CDH18: variants seen among roughly 807,000 people sequenced by gnomAD.
The protein encoded by CDH18 is cadherin-18.
In CDH18, 31 loss-of-function variants were observed where a neutral mutation model predicts 67.9. The ratio of observed to expected loss-of-function variants is 0.46; its 90% CI spans 0.34 to 0.62. CDH18 has a LOEUF of 0.62. Among genes scored for constraint, CDH18 ranks in the 20% least tolerant of loss-of-function variants. The probability of loss-of-function intolerance (pLI) is 0.01; values close to 1 mark genes in which losing one functional copy is unlikely to be tolerated. For missense variants in CDH18, 890 were observed against 975.5 expected, an observed-to-expected ratio of 0.91 and a Z score of 1.17; for synonymous variants, 362 against 347.2, an observed-to-expected ratio of 1.04 and a Z score of -0.48.
chr5:20,253,046 T>C (rs1743980657), intron 2 of CDH18, among the ~76,000 whole-genome samples: 1 of 152,172 alleles, frequency 6.6e-6, no homozygotes, highest in African/African-American at 2.4e-5. Context: ...ATAAGATGGC[T>C]GATTACATGC....
At chr5:20,034,125 G>A (rs1442549518) in intron 2 of CDH18, among the ~76,000 whole-genome samples, 3 of 151,992 alleles carry the variant, frequency 2.0e-5, no homozygotes, top group East Asian at 1.9e-4. Flanking sequence ...TGTGTGGGGG[G>A]AAAAGAATTG....
chr5:20,394,174 T>C (rs1199402587), intron 1 of CDH18, among the ~76,000 whole-genome samples: 3 of 151,968 alleles, frequency 2.0e-5, no homozygotes, highest in African/African-American at 7.2e-5. Context: ...TACAAGGCTA[T>C]ACTAACAAAA....
intron 2 of CDH18, among the ~76,000 whole-genome samples, chr5:19,994,855 T>TAG (rs1554078420): frequency 0.12 from 8,223 of 67,476 alleles, 1,322 homozygotes; most frequent in Non-Finnish European, 0.14. Context: ...TATATATATA[T>TAG]AGAGAGAGAG....
intron 3 of CDH18, among the ~76,000 whole-genome samples, chr5:19,811,158 GAAGGAGAGAA>G (rs1352687498): frequency 1.1e-4 from 2 of 18,480 alleles, no homozygotes; most frequent in Admixed American, 1.2e-3. Context: ...AAGAAAGAAA[GAAGGAGAGAA>G]AGAAAGAGAA....
intron 3 of CDH18, among the ~76,000 whole-genome samples, chr5:19,771,023 A>C (rs956720487): frequency 2.0e-5 from 3 of 152,154 alleles, no homozygotes; most frequent in African/African-American, 7.2e-5. Flanking sequence ...ATAGATCATG[A>C]GATTCTGGAC....
intron 3 of CDH18, among the ~76,000 whole-genome samples, chr5:19,822,056 G>A (rs1456971971): frequency 6.6e-6 from 1 of 151,886 alleles, no homozygotes; most frequent in African/African-American, 2.4e-5. Context: ...ATACAATTGA[G>A]ACTACAATAT....
chr5:20,184,798 G>A (rs972860916), intron 2 of CDH18, among the ~76,000 whole-genome samples: 1 of 152,090 alleles, frequency 6.6e-6, no homozygotes. Context: ...AAGGGACTGT[G>A]TGTTCTAATG....
At chr5:19,557,506 A>G (rs528183385) in intron 8 of CDH18, among the ~76,000 whole-genome samples, 130 of 152,176 alleles carry the variant, frequency 8.5e-4, no homozygotes, top group Non-Finnish European at 1.6e-3. Flanking sequence ...GAGAAGATGA[A>G]CTTTAAAGCA....
At chr5:19,779,651 A>G (rs1774862555) in intron 3 of CDH18, among the ~76,000 whole-genome samples, 1 of 152,180 alleles carries the variant, frequency 6.6e-6, no homozygotes, top group Non-Finnish European at 1.5e-5. Context: ...GTCCTGTACC[A>G]AAGTTGCACA....
At chr5:20,051,757 A>G (rs1741438428) in intron 2 of CDH18, among the ~76,000 whole-genome samples, 1 of 152,070 alleles carries the variant, frequency 6.6e-6, no homozygotes, top group Admixed American at 6.6e-5. Context: ...CATAAGTTGA[A>G]AATAATTCTT....
chr5:19,903,694 A>G (rs1430771812), intron 2 of CDH18, among the ~76,000 whole-genome samples: 1 of 148,688 alleles, frequency 6.7e-6, no homozygotes, highest in East Asian at 2.0e-4. Flanking sequence ...CATGTGGATA[A>G]CACTCAATCG....
chr5:19,821,290 G>C (rs1373133535), intron 3 of CDH18, among the ~76,000 whole-genome samples: 2 of 151,950 alleles, frequency 1.3e-5, no homozygotes, highest in Non-Finnish European at 2.9e-5. Flanking sequence ...AGGTACTACA[G>C]GGAATTTCAA....
chr5:20,121,202 T>C (rs1748326567), intron 2 of CDH18, among the ~76,000 whole-genome samples: 1 of 152,142 alleles, frequency 6.6e-6, no homozygotes, highest in African/African-American at 2.4e-5. Context: ...CTCCCAGGTG[T>C]TTCTATAATA....
chr5:20,420,752 A>G (rs1328181279), intron 1 of CDH18, among the ~76,000 whole-genome samples: 20 of 151,338 alleles, frequency 1.3e-4, no homozygotes, highest in Admixed American at 1.3e-3. Context: ...CATTCCCTGT[A>G]AAAATCTTAA....
At chr5:19,545,243 T>C (rs902311464) in intron 8 of CDH18, among the ~76,000 whole-genome samples, 2 of 152,102 alleles carry the variant, frequency 1.3e-5, no homozygotes, top group African/African-American at 2.4e-5. Context: ...GGGAAGAATA[T>C]ATGAAACAGA....
chr5:19,669,226 T>C (rs1758397231), intron 5 of CDH18, among the ~76,000 whole-genome samples: 1 of 146,756 alleles, frequency 6.8e-6, no homozygotes, highest in Admixed American at 6.9e-5. Context: ...ATATAATATA[T>C]GTTTAACTAT....
intron 5 of CDH18, among the ~76,000 whole-genome samples, chr5:19,654,578 A>C (rs1156591826): frequency 6.6e-6 from 1 of 152,036 alleles, no homozygotes; most frequent in East Asian, 1.9e-4. Context: ...TGGTAGTGTC[A>C]AGGGGTGGTG....
At chr5:20,107,946 C>A (rs1036831932) in intron 2 of CDH18, among the ~76,000 whole-genome samples, 2 of 139,272 alleles carry the variant, frequency 1.4e-5, no homozygotes, top group Non-Finnish European at 3.1e-5. Flanking sequence ...CACACGAGGG[C>A]CTCCTTGATT....
intron 2 of CDH18, among the ~76,000 whole-genome samples, chr5:20,120,569 T>A (rs2126411250): frequency 6.6e-6 from 1 of 152,272 alleles, no homozygotes; most frequent in Non-Finnish European, 1.5e-5. Context: ...GGAGTCTGTA[T>A]TACTAAACTA....
Sources: allele counts gnomAD v4.1 joint callset (sites outside exome capture counted in the v4.1 genomes callset), GRCh38; gene constraint gnomAD v4.1.1; transcripts MANE v1.5; gene names NCBI Gene and HGNC (gene_info 2026-07-23, HGNC 2026-07-21).